Variants in LIN54 observed in about 807,000 individuals in gnomAD.
The protein encoded by LIN54 is lin-54 DREAM MuvB core complex component.
A neutral mutation model predicts 78.7 loss-of-function variants in LIN54; 9 were observed. The observed-to-expected ratio is 0.11, with a 90% CI of 0.07 to 0.20. The LOEUF is 0.20. LIN54 is among the 10% of genes least tolerant of loss of function. LIN54 has a pLI of 1.00. For missense variants in LIN54, 573 were observed against 889.9 expected (o/e 0.64, Z 4.53); for synonymous variants, 269 against 318.4 (o/e 0.84, Z 1.65).
intron 1 of LIN54, among the ~76,000 whole-genome samples, chr4:83,001,598 C>T (rs1156278709): frequency 6.6e-6 from 1 of 151,346 alleles, no homozygotes; most frequent in Non-Finnish European, 1.5e-5. Flanking sequence ...GTAATCCCAG[C>T]ACCTTGGGAG....
chr4:82,991,689 A>T (rs12500959), intron 1 of LIN54, among the ~76,000 whole-genome samples: 65,428 of 151,810 alleles, frequency 0.43, 16,955 homozygotes, highest in Admixed American at 0.58. Flanking sequence ...GAGGTTTTTT[A>T]AAAAATCATA....
chr4:82,943,649 G>T (rs546231571), intron 5 of LIN54, among the ~76,000 whole-genome samples: 8 of 152,032 alleles, frequency 5.3e-5, no homozygotes, highest in Non-Finnish European at 1.2e-4. Context: ...TATGTATGTG[G>T]CTGGGTGGGA....
chr4:82,929,501 T>C (rs929919171), intron 12 of LIN54, among the ~76,000 whole-genome samples: 1 of 151,970 alleles, frequency 6.6e-6, no homozygotes, highest in African/African-American at 2.4e-5. Context: ...CAGTCAAGAG[T>C]TCTTTAGAAC....
At chr4:82,941,848 A>C (rs528636422) in intron 5 of LIN54, among the ~76,000 whole-genome samples, 8 of 152,328 alleles carry the variant, frequency 5.3e-5, no homozygotes, top group African/African-American at 1.9e-4. Flanking sequence ...GCTATTTTAA[A>C]GGGAGGATGA....
At chr4:82,939,347 C>G (rs1052943180) in intron 7 of LIN54, among the ~76,000 whole-genome samples, 192 bp downstream of exon 7, 1 of 152,158 alleles carries the variant, frequency 6.6e-6, no homozygotes, top group African/African-American at 2.4e-5. Flanking sequence ...TATATCTGAC[C>G]TGTGTTATAT....
intron 5 of LIN54, among the ~76,000 whole-genome samples, chr4:82,944,480 A>G (rs1723193108): frequency 6.6e-6 from 1 of 152,158 alleles, no homozygotes; most frequent in Non-Finnish European, 1.5e-5. Context: ...AGTCAACAAT[A>G]TGGTTTTTTC....
rs766169925 is a variant in LIN54 at position 82,984,282 on chromosome 4, A to G, written c.563T>C (p.Ile188Thr). ...AGGTTTCACCTCTGGCCTCCCTCCA[A>G]TGGTAACTACTTTAATTTGCTGCGG... ...LPPQQIKVVT[I>T]GGRPEVKPVI... The change falls in exon 2 of 13, where the codon ATT (isoleucine) becomes ACT (threonine). Residue 188 changes from isoleucine (I) to threonine (T), a missense_variant. Physicochemically the swap from Ile to Thr is moderately conservative, Grantham distance 89. Coordinates refer to ENST00000340417, the MANE Select transcript of LIN54 (RefSeq NM_194282.4). 8.1e-6 allele frequency: 13 copies of G among 1,613,974 alleles called. No individual in the cohort carries two copies. The highest frequency in any genetic ancestry group is 4.5e-5 in the East Asian group (2 of 44,886).
intron 4 of LIN54, among the ~76,000 whole-genome samples, chr4:82,965,992 G>T (rs552182836): frequency 1.2e-3 from 180 of 152,094 alleles, no homozygotes; most frequent in Non-Finnish European, 2.3e-3. Flanking sequence ...TATCCTTTTT[G>T]AAATTATCTT....
intron 11 of LIN54, among the ~76,000 whole-genome samples, chr4:82,931,534 C>T (rs1005174900): frequency 5.9e-5 from 9 of 152,166 alleles, no homozygotes; most frequent in African/African-American, 2.2e-4. Flanking sequence ...CCCATTTATG[C>T]ATATGTATAC....
At chr4:83,010,148 C>T (rs368480361) in intron 1 of LIN54, among the ~76,000 whole-genome samples, 19 of 152,252 alleles carry the variant, frequency 1.2e-4, no homozygotes, top group Non-Finnish European at 1.9e-4. Flanking sequence ...AATGCCAATG[C>T]TCTGCCTCCC....
chr4:83,001,969 AGGAAGGAAGGGAG>A (rs756023855), intron 1 of LIN54, among the ~76,000 whole-genome samples: 19,808 of 44,518 alleles, frequency 0.44, 9,712 homozygotes, highest in Non-Finnish European at 0.64. Context: ...GAAGGAAGGA[AGGAAGGAAGGGAG>A]GGATCTTGGA....
chr4:83,006,140 G>C (rs929944516), intron 1 of LIN54, among the ~76,000 whole-genome samples: 1 of 152,098 alleles, frequency 6.6e-6, no homozygotes, highest in African/African-American at 2.4e-5. Flanking sequence ...GGGGACGTAG[G>C]GAGGGGATCA....
chr4:82,989,092 G>A (rs1013518719), intron 1 of LIN54, among the ~76,000 whole-genome samples: 2 of 151,996 alleles, frequency 1.3e-5, no homozygotes, highest in African/African-American at 4.8e-5. Context: ...GGAGGCTGAG[G>A]CAGGAAAATG....
chr4:83,001,944 AAGG>A lies in LIN54; in HGVS notation c.-33+8537_-33+8539del, dbSNP rs1220022270. On this transcript the variant is annotated intron_variant, in intron 1 of 12. Transcript: ENST00000340417. ...GAGGGAGGGAGGGAAGGAAGGAAGG[AAGG>A]AAGGAAGGAAGGAAGGAAGGAAGGA... Among the ~76,000 whole-genome samples the A allele has an allele frequency of 2.3e-3, 49 of 21,260 alleles. 5 individuals carry two copies. The highest frequency in any genetic ancestry group is 0.012 in the East Asian group (6 of 514). 13.9% of individuals were successfully genotyped at this position (21,260 alleles called of 152,430 possible).
intron 1 of LIN54, among the ~76,000 whole-genome samples, chr4:83,009,021 C>G (rs1282715071): frequency 1.3e-5 from 2 of 152,062 alleles, no homozygotes; most frequent in African/African-American, 4.8e-5. Flanking sequence ...AAGACAAAAC[C>G]AAATACCTAC....
intron 11 of LIN54, among the ~76,000 whole-genome samples, chr4:82,932,433 T>C (rs1349178853): frequency 6.6e-6 from 1 of 151,594 alleles, no homozygotes; most frequent in Non-Finnish European, 1.5e-5. Context: ...CCAGATTGCT[T>C]TTTCAAAAGG....
rs149667728 is a variant in LIN54, at chr4:82,972,850, G to A, written c.809-2381C>T. ...ACAAAAATTAGCCAGGCGTGGTAGC[G>A]TGCGTCTATAATCCCAGCTACTCGG... On this transcript the variant is annotated intron_variant, in intron 3 of 12. Transcript: ENST00000340417. Among the ~76,000 whole-genome samples, 644 of 151,312 alleles carry A rather than the reference G, an allele frequency of 4.3e-3. 9 individuals carry two copies. The highest frequency in any genetic ancestry group is 0.014 in the African/African-American group (587 of 41,206).
intron 12 of LIN54, among the ~76,000 whole-genome samples, chr4:82,929,971 C>CA (rs1402423764): frequency 6.6e-6 from 1 of 152,128 alleles, no homozygotes. Flanking sequence ...GATCTTGGCT[C>CA]ACTGCAACCT....
chr4:82,980,453 G>A (rs1025230129), intron 2 of LIN54, among the ~76,000 whole-genome samples: 2 of 152,052 alleles, frequency 1.3e-5, no homozygotes, highest in African/African-American at 2.4e-5. Flanking sequence ...TTAGCTCTTT[G>A]TGCTCAAATT....
Sources: gnomAD v4.1 joint callset for allele counts (sites outside exome capture counted in the v4.1 genomes callset) on GRCh38, gnomAD v4.1.1 for gene constraint, MANE v1.5 for transcripts, NCBI Gene and HGNC (gene_info 2026-07-23, HGNC 2026-07-21) for gene names.